The following ZBTB20 variants were observed in gnomAD, a reference collection of about 807,000 sequenced individuals.
ZBTB20 encodes zinc finger and BTB domain-containing protein 20.
Under a neutral mutation model 56.9 loss-of-function variants are expected in ZBTB20, and 9 were observed. The observed-to-expected ratio is 0.16, with a 90% CI of 0.10 to 0.28. The LOEUF (loss-of-function observed/expected upper bound fraction) is 0.28. Among genes scored for constraint, ZBTB20 ranks in the 10% least tolerant of loss-of-function variants. The pLI is 1.00. For synonymous variants in ZBTB20, 417 were observed against 420.7 expected (o/e 0.99, Z 0.11); for missense variants, 655 against 1,003.0 (o/e 0.65, Z 4.69).
chr3:114,515,641 G>A (rs1366747929), intron 6 of ZBTB20, among the ~76,000 whole-genome samples: 1 of 152,034 alleles, frequency 6.6e-6, no homozygotes, highest in Non-Finnish European at 1.5e-5. Flanking sequence ...GCCTCCTTTT[G>A]CATAGAGAAA....
At chr3:114,811,067 A>C (rs2072483672) in intron 4 of ZBTB20, among the ~76,000 whole-genome samples, 2 of 152,358 alleles carry the variant, frequency 1.3e-5, no homozygotes, top group African/African-American at 2.4e-5. Context: ...GTTAATAATG[A>C]GTTGCTATGA....
chr3:114,721,785 T>C (rs942240830), intron 5 of ZBTB20, among the ~76,000 whole-genome samples: 3 of 152,178 alleles, frequency 2.0e-5, no homozygotes, highest in African/African-American at 7.2e-5. Context: ...TGACTACATA[T>C]GAGCAATAAA....
chr3:114,576,745 A>G (rs1241784648), intron 6 of ZBTB20, among the ~76,000 whole-genome samples: 1 of 151,508 alleles, frequency 6.6e-6, no homozygotes, highest in Non-Finnish European at 1.5e-5. Flanking sequence ...TAAAACTTCA[A>G]ATTGCTAGAT....
At chr3:114,375,787 C>G (rs1024014230) in intron 10 of ZBTB20, 4 of 152,156 alleles carry the variant, frequency 2.6e-5, no homozygotes, top group Admixed American at 2.6e-4. Flanking sequence ...TTGTTTTCCC[C>G]CTACAGCTTT....
At chr3:114,717,486 T>A (rs2064567860) in intron 5 of ZBTB20, among the ~76,000 whole-genome samples, 1 of 152,058 alleles carries the variant, frequency 6.6e-6, no homozygotes. Context: ...CTCTTTCTAC[T>A]AGAGATTTGA....
At chr3:114,771,244 G>A (rs1181025927) in intron 5 of ZBTB20, among the ~76,000 whole-genome samples, 1 of 151,884 alleles carries the variant, frequency 6.6e-6, no homozygotes, top group Non-Finnish European at 1.5e-5. Flanking sequence ...AACCCAAAAT[G>A]CTTCATGAAT....
At chr3:114,521,520 A>G (rs1184263071) in intron 6 of ZBTB20, among the ~76,000 whole-genome samples, 1 of 152,116 alleles carries the variant, frequency 6.6e-6, no homozygotes, top group East Asian at 1.9e-4. Context: ...CTTTCACTTC[A>G]TAACGTTTTT....
At chr3:114,871,519 A>G (rs2076010809) in intron 4 of ZBTB20, among the ~76,000 whole-genome samples, 1 of 152,152 alleles carries the variant, frequency 6.6e-6, no homozygotes, top group Non-Finnish European at 1.5e-5. Context: ...TATAAAATGT[A>G]TCTTTCTCCT....
intron 3 of ZBTB20, chr3:114,931,428 T>C (rs1237679760): frequency 4.8e-6 from 1 of 209,428 alleles, no homozygotes; most frequent in Non-Finnish European, 9.6e-6. Context: ...TCAAGAATTC[T>C]GCACCCGAGG....
At chr3:115,117,740 T>G (rs1042665688) in intron 1 of ZBTB20, among the ~76,000 whole-genome samples, 1 of 152,168 alleles carries the variant, frequency 6.6e-6, no homozygotes, top group African/African-American at 2.4e-5. Flanking sequence ...CAAGTTTTCC[T>G]GTCAAATTCA....
intron 5 of ZBTB20, among the ~76,000 whole-genome samples, chr3:114,748,279 CTTCT>C (rs147900859): frequency 0.22 from 22,399 of 103,772 alleles, 2,964 homozygotes; most frequent in Non-Finnish European, 0.26. Flanking sequence ...TTTGTTGTAG[CTTCT>C]TTCTTTCTTT....
chr3:114,642,468 G>C (rs551630805), intron 6 of ZBTB20, among the ~76,000 whole-genome samples: 1 of 152,088 alleles, frequency 6.6e-6, no homozygotes, highest in South Asian at 2.1e-4. Flanking sequence ...AATTTTGTTG[G>C]AGTGGGGCTG....
At chr3:115,023,367 C>A (rs1271177049) in intron 2 of ZBTB20, among the ~76,000 whole-genome samples, 1 of 150,804 alleles carries the variant, frequency 6.6e-6, no homozygotes, top group African/African-American at 2.4e-5. Flanking sequence ...ATCCCATAAA[C>A]TCTCTTTTTT....
At chr3:114,704,369 T>C (rs1426976351) in intron 5 of ZBTB20, among the ~76,000 whole-genome samples, 2 of 150,898 alleles carry the variant, frequency 1.3e-5, no homozygotes, top group African/African-American at 4.9e-5. Flanking sequence ...CACAGACATA[T>C]ATTTATATAT....
chr3:114,684,728 AGAG>A (rs774981950), intron 6 of ZBTB20: 5 of 152,294 alleles, frequency 3.3e-5, no homozygotes, highest in East Asian at 1.9e-4. Context: ...TGGTTACAGG[AGAG>A]GAGTTGATAA....
chr3:114,753,386 T>A (rs985157173), intron 5 of ZBTB20, among the ~76,000 whole-genome samples: 1 of 25,338 alleles, frequency 3.9e-5, no homozygotes, highest in Non-Finnish European at 1.3e-4. Flanking sequence ...TATATACACA[T>A]ACATGTATGT....
At chr3:114,807,618 A>G (rs1357394863) in intron 4 of ZBTB20, among the ~76,000 whole-genome samples, 1 of 152,050 alleles carries the variant, frequency 6.6e-6, no homozygotes, top group Non-Finnish European at 1.5e-5. Context: ...TTTCATCATT[A>G]CATACATTAT....
intron 2 of ZBTB20, among the ~76,000 whole-genome samples, chr3:115,032,109 T>C (rs1165812783): frequency 6.6e-6 from 1 of 151,506 alleles, no homozygotes; most frequent in African/African-American, 2.4e-5. Flanking sequence ...ATTTATCTGG[T>C]GGTCCTAATC....
intron 5 of ZBTB20, among the ~76,000 whole-genome samples, chr3:114,799,390 G>GT (rs1474535551): frequency 6.6e-6 from 1 of 151,914 alleles, no homozygotes; most frequent in Non-Finnish European, 1.5e-5. Flanking sequence ...AGTCAATGAG[G>GT]TAAGGGGCTG....
Sources: gnomAD v4.1 joint callset for allele counts (sites outside exome capture counted in the v4.1 genomes callset) on GRCh38, gnomAD v4.1.1 for gene constraint, MANE v1.5 for transcripts, NCBI Gene and HGNC (gene_info 2026-07-23, HGNC 2026-07-21) for gene names.